The following NOVA1 variants were observed in gnomAD, a reference collection of about 807,000 sequenced individuals.
The protein encoded by NOVA1 is RNA-binding protein Nova-1.
In NOVA1, 7 loss-of-function variants were observed where a neutral mutation model predicts 38.0. The ratio of observed to expected loss-of-function variants is 0.18; its 90% CI spans 0.10 to 0.35. The LOEUF (loss-of-function observed/expected upper bound fraction) is 0.35. Among genes scored for constraint, NOVA1 ranks in the 10% least tolerant of loss-of-function variants. The pLI, the probability that NOVA1 is intolerant of heterozygous loss-of-function variation, is 1.00. For synonymous variants in NOVA1, 270 were observed against 232.5 expected, an observed-to-expected ratio of 1.16 and a Z score of -1.47; for missense variants, 460 against 616.0, an observed-to-expected ratio of 0.75 and a Z score of 2.68.
intron 2 of NOVA1, chr14:26,519,124 A>G (rs1432913742): frequency 1.3e-5 from 2 of 152,146 alleles, no homozygotes; most frequent in Non-Finnish European, 2.9e-5. Context: ...TCGTGAAATT[A>G]GTATTTTTGA....
intron 2 of NOVA1, among the ~76,000 whole-genome samples, chr14:26,552,231 G>A (rs1020262125): frequency 6.6e-6 from 1 of 152,014 alleles, no homozygotes; most frequent in Admixed American, 6.6e-5. Flanking sequence ...TCAGAATACT[G>A]CAATGAAAAG....
chr14:26,456,747 A>T (rs1883211038), intron 4 of NOVA1, among the ~76,000 whole-genome samples: 1 of 151,926 alleles, frequency 6.6e-6, no homozygotes, highest in Non-Finnish European at 1.5e-5. Flanking sequence ...AATTTCCAAA[A>T]CAGAGGACAT....
At chr14:26,487,133 C>A (rs1232198080) in intron 2 of NOVA1, among the ~76,000 whole-genome samples, 1 of 152,054 alleles carries the variant, frequency 6.6e-6, no homozygotes, top group African/African-American at 2.4e-5. Flanking sequence ...GCAAAAGCTC[C>A]ACTGAAGGAC....
chr14:26,587,479 A>G (rs981897307), intron 2 of NOVA1, among the ~76,000 whole-genome samples: 3 of 151,066 alleles, frequency 2.0e-5, no homozygotes, highest in Non-Finnish European at 4.5e-5. Context: ...CATCTGATAA[A>G]TATGCATAAT....
At chr14:26,532,923 T>C (rs1192394991) in intron 2 of NOVA1, among the ~76,000 whole-genome samples, 2 of 152,350 alleles carry the variant, frequency 1.3e-5, no homozygotes, top group Admixed American at 1.3e-4. Flanking sequence ...CCATGCTATA[T>C]GGTTCAGAAA....
At chr14:26,571,609 C>T (rs562679070) in intron 2 of NOVA1, among the ~76,000 whole-genome samples, 1 of 152,306 alleles carries the variant, frequency 6.6e-6, no homozygotes, top group East Asian at 1.9e-4. Flanking sequence ...GGCTAGAACA[C>T]AGAGGGCCTA....
rs1313198144 is a variant in NOVA1 at position 26,595,435 on chromosome 14, C to T, written c.255G>A (p.Leu85=). 1 of 1,613,856 alleles carries T rather than the reference C, an allele frequency of 6.2e-7. No homozygotes were observed. Among genetic ancestry groups the T allele is most frequent in the Non-Finnish European group, 8.5e-7 (1 of 1,179,836 alleles). Residue 85 remains leucine, a synonymous_variant, in exon 2 of 5, where the codon CTG becomes CTA. Transcript: ENST00000539517. ...CTGGGTAAAAATCTTTGGACTTAGA[C>T]AGCTTGATGGTGGCTCCAGTTTCTT... ...LQKETGATIK[L]SKSKDFYPGT...
At chr14:26,473,919 C>A (rs959460611) in intron 3 of NOVA1, among the ~76,000 whole-genome samples, 1 of 151,858 alleles carries the variant, frequency 6.6e-6, no homozygotes, top group African/African-American at 2.4e-5. Context: ...ATAATTAATT[C>A]TTGCTATTTC....
intron 2 of NOVA1, among the ~76,000 whole-genome samples, chr14:26,521,970 T>C (rs1025450174): frequency 6.6e-6 from 1 of 152,062 alleles, no homozygotes; most frequent in Admixed American, 6.5e-5. Context: ...CAGTGTTCCT[T>C]ATCATTAAAT....
intron 2 of NOVA1, among the ~76,000 whole-genome samples, chr14:26,530,488 G>A (rs1490485713): frequency 6.6e-6 from 1 of 152,028 alleles, no homozygotes; most frequent in African/African-American, 2.4e-5. Context: ...ATATATATCA[G>A]TATAAATGTA....
In NOVA1 at chr14:26,445,476, A is replaced by G. The variant is rs1881997924; in HGVS notation, c.*2483T>C. 6.6e-6 allele frequency: 1 copy of G among 152,200 alleles called. No individual in the cohort carries two copies. The highest frequency in any genetic ancestry group is 2.1e-4 in the South Asian group (1 of 4,830). The allele number at this position is 152,200 out of a possible 1,614,324, so 9.4% of individuals were successfully genotyped here. A position where few individuals can be genotyped will look rare whatever the true frequency, so the allele number is the denominator to read the frequency against. ...AACCATGCTAACTAGGAAAAGTTTA[A>G]AATTCCCATTTACAATTAAAATTGA... On this transcript the variant is annotated 3_prime_UTR_variant, in exon 5 of 5. Transcript: ENST00000539517.
intron 2 of NOVA1, among the ~76,000 whole-genome samples, chr14:26,531,876 G>C (rs1224285823): frequency 6.6e-6 from 1 of 152,134 alleles, no homozygotes; most frequent in African/African-American, 2.4e-5. Flanking sequence ...TAACTGATTA[G>C]TAGAAAAACA....
intron 2 of NOVA1, among the ~76,000 whole-genome samples, chr14:26,569,351 CATTT>C (rs1265671348): frequency 6.6e-6 from 1 of 152,080 alleles, no homozygotes; most frequent in Non-Finnish European, 1.5e-5. Flanking sequence ...TATTTTAATT[CATTT>C]ATTTCCCATT....
At position 26,496,898 on chromosome 14, in the gene NOVA1, C is replaced by T. The variant is rs939860003; in HGVS notation, c.281-16755G>A. Among the ~76,000 whole-genome samples the T allele has an allele frequency of 4.6e-5, 7 of 152,038 alleles. 1 individual carries two copies. The highest frequency in any genetic ancestry group is 1.7e-4 in the African/African-American group (7 of 41,380). ...ACCATGCTGTTTTGGTTACTGTAGCCTTGTAGTATAGTTTAAAGTCAGGTA... is the reference window on the plus strand; with the variant it reads ...ACCATGCTGTTTTGGTTACTGTAGCTTTGTAGTATAGTTTAAAGTCAGGTA... On this transcript the variant is annotated intron_variant, in intron 2 of 4. Coordinates refer to ENST00000539517, the MANE Select transcript of NOVA1 (RefSeq NM_002515.3).
chr14:26,504,508 A>G (rs1887479266), intron 2 of NOVA1, among the ~76,000 whole-genome samples: 1 of 152,206 alleles, frequency 6.6e-6, no homozygotes, highest in Non-Finnish European at 1.5e-5. Context: ...CAAAACCTAT[A>G]AAAACATTCC....
At chr14:26,588,212 A>C (rs1893646303) in intron 2 of NOVA1, among the ~76,000 whole-genome samples, 1 of 151,162 alleles carries the variant, frequency 6.6e-6, no homozygotes, top group Non-Finnish European at 1.5e-5. Context: ...ACCATCTAAA[A>C]TTTTTAAATT....
At chr14:26,454,363 G>C (rs373163501) in intron 4 of NOVA1, among the ~76,000 whole-genome samples, 1 of 152,082 alleles carries the variant, frequency 6.6e-6, no homozygotes, top group Non-Finnish European at 1.5e-5. Flanking sequence ...CCAAACAAGA[G>C]CATGAGAAGT....
intron 2 of NOVA1, among the ~76,000 whole-genome samples, chr14:26,545,081 A>T (rs1201009955): frequency 2.0e-5 from 3 of 152,244 alleles, no homozygotes; most frequent in East Asian, 3.9e-4. Context: ...TACTTATAAA[A>T]TGTTCAAATA....
intron 2 of NOVA1, among the ~76,000 whole-genome samples, chr14:26,524,233 C>G (rs942126586): frequency 1.4e-4 from 21 of 152,086 alleles, no homozygotes; most frequent in Non-Finnish European, 2.2e-4. Context: ...TTAGCTAGAA[C>G]AGGATGGAAG....
Sources: gnomAD v4.1 joint callset for allele counts (sites outside exome capture counted in the v4.1 genomes callset) on GRCh38, gnomAD v4.1.1 for gene constraint, MANE v1.5 for transcripts, NCBI Gene and HGNC (gene_info 2026-07-23, HGNC 2026-07-21) for gene names.